Variants in PRKCE observed in about 807,000 individuals in gnomAD.
PRKCE encodes protein kinase C epsilon type.
A neutral mutation model predicts 85.4 loss-of-function variants in PRKCE; 16 were observed. That is an observed-to-expected ratio of 0.19 (90% CI 0.13 to 0.28). The LOEUF (loss-of-function observed/expected upper bound fraction) is 0.28. PRKCE is among the 10% of genes least tolerant of loss of function. The pLI is 1.00. For missense variants in PRKCE, 573 were observed against 975.2 expected, an observed-to-expected ratio of 0.59 and a Z score of 5.49; for synonymous variants, 388 against 371.5, an observed-to-expected ratio of 1.04 and a Z score of -0.51.
chr2:45,897,882 G>C (rs1255748902), intron 2 of PRKCE, among the ~76,000 whole-genome samples: 1 of 152,190 alleles, frequency 6.6e-6, no homozygotes, highest in Non-Finnish European at 1.5e-5. Flanking sequence ...AATCACTGCT[G>C]ACAAGGGCAT....
intron 2 of PRKCE, among the ~76,000 whole-genome samples, chr2:45,968,450 G>T (rs1278105501): frequency 3.3e-5 from 5 of 152,126 alleles, no homozygotes; most frequent in Non-Finnish European, 7.3e-5. Flanking sequence ...CATACAAAGT[G>T]GTATAATGGA....
intron 1 of PRKCE, among the ~76,000 whole-genome samples, chr2:45,794,161 G>A (rs1375614625): frequency 6.6e-6 from 1 of 152,124 alleles, no homozygotes; most frequent in Non-Finnish European, 1.5e-5. Context: ...CCTCAGGAGT[G>A]TGGCATCATT....
rs945258921 is a variant in PRKCE at position 45,763,620 on chromosome 2, C to G, written c.349-79380C>G. ...GTAATACTCAGTGTAGGGCTTGATT[C>G]TGCAATCTCCCTTGGTATAACCCGC... On this transcript the variant is annotated intron_variant, in intron 1 of 14. Coordinates refer to ENST00000306156, the MANE Select transcript of PRKCE (RefSeq NM_005400.3). Among the ~76,000 whole-genome samples, 4 of 151,356 alleles carry G rather than the reference C, an allele frequency of 2.6e-5. No individual in the cohort carries two copies. The East Asian group carries it at 5.9e-4, about 22-fold the overall frequency.
chr2:45,738,853 T>C (rs750737622), intron 1 of PRKCE, among the ~76,000 whole-genome samples: 5 of 152,248 alleles, frequency 3.3e-5, no homozygotes, highest in Admixed American at 1.3e-4. Flanking sequence ...AACAGCTATG[T>C]AGTTTTTACA....
At chr2:46,162,504 C>T (rs1677876858) in intron 14 of PRKCE, among the ~76,000 whole-genome samples, 1 of 152,178 alleles carries the variant, frequency 6.6e-6, no homozygotes, top group Admixed American at 6.5e-5. Flanking sequence ...CCTGCCTCCC[C>T]AGACCTTCAG....
chr2:45,822,704 C>T (rs543126893), intron 1 of PRKCE, among the ~76,000 whole-genome samples: 8 of 152,244 alleles, frequency 5.3e-5, no homozygotes, highest in South Asian at 2.1e-4. Flanking sequence ...GCAAGACGTC[C>T]GAATCCGTGT....
chr2:45,836,475 T>C (rs1275366043), intron 1 of PRKCE, among the ~76,000 whole-genome samples: 2 of 152,236 alleles, frequency 1.3e-5, no homozygotes, highest in Non-Finnish European at 2.9e-5. Flanking sequence ...GCTGAGTTGC[T>C]CATTGTATTG....
At chr2:45,680,179 A>G (rs113155372) in intron 1 of PRKCE, among the ~76,000 whole-genome samples, 4,350 of 152,286 alleles carry the variant, frequency 0.029, 196 homozygotes, top group African/African-American at 0.1. Context: ...TAATGACATG[A>G]TGGTTTGATA....
At chr2:46,163,173 C>G (rs1417266410) in intron 14 of PRKCE, among the ~76,000 whole-genome samples, 1 of 152,270 alleles carries the variant, frequency 6.6e-6, no homozygotes, top group Non-Finnish European at 1.5e-5. Flanking sequence ...GCAGAGTCAG[C>G]CTTACCACAG....
chr2:46,055,193 CT>C (rs1330481222), intron 10 of PRKCE, among the ~76,000 whole-genome samples: 6 of 152,352 alleles, frequency 3.9e-5, no homozygotes, highest in African/African-American at 1.4e-4. Context: ...CACTATTATA[CT>C]GCTTCTGGGG....
chr2:45,754,181 G>T (rs1182222955), intron 1 of PRKCE, among the ~76,000 whole-genome samples: 10 of 152,168 alleles, frequency 6.6e-5, no homozygotes, highest in Non-Finnish European at 1.3e-4. Flanking sequence ...TTTGAGGTAG[G>T]GTCTGTGAAT....
chr2:45,794,062 G>A (rs1489225961), intron 1 of PRKCE, among the ~76,000 whole-genome samples: 6 of 152,154 alleles, frequency 3.9e-5, no homozygotes, highest in Non-Finnish European at 8.8e-5. Flanking sequence ...TGGGGCAGCC[G>A]CCCTGGGACC....
intron 10 of PRKCE, among the ~76,000 whole-genome samples, chr2:46,051,427 T>G (rs1370133167): frequency 6.6e-6 from 1 of 152,218 alleles, no homozygotes; most frequent in Non-Finnish European, 1.5e-5. Flanking sequence ...ATGAGGAAAC[T>G]GAGGTTCAAA....
chr2:45,958,814 ATATTTTTTTTTTTTTTTTTTTTTT>A (rs1451637740), intron 2 of PRKCE, among the ~76,000 whole-genome samples: 8 of 25,438 alleles, frequency 3.1e-4, no homozygotes, highest in South Asian at 4.3e-3. Flanking sequence ...ATATATATAT[ATATTTTTTTTTTTTTTTTTTTTTT>A]TTTTTTTTTT....
At position 45,923,067 on chromosome 2, in the gene PRKCE, G is replaced by T. The variant is rs974934565; in HGVS notation, c.413-53362G>T. On this transcript the variant is annotated intron_variant, in intron 2 of 14. Transcript: ENST00000306156. The stretch of plus-strand genomic sequence containing the variant: ...GGAAAGAAACAGATACTGAACCCTT[G>T]TGCTTATAACAGAGGACAGGAAGAC... Among the ~76,000 whole-genome samples the T allele has an allele frequency of 2.6e-5, 4 of 152,168 alleles. No homozygotes were observed. In the South Asian group the frequency reaches 6.2e-4, roughly 24 times the overall value.
chr2:46,094,386 C>G lies in PRKCE; in HGVS notation c.1592+8024C>G, dbSNP rs1185927107. 1.3e-5 allele frequency among the ~76,000 whole-genome samples: 2 copies of G among 152,136 alleles called. 1 individual carries two copies. The highest frequency in any genetic ancestry group is 1.3e-4 in the Admixed American group (2 of 15,268). ...ACTTTCCTTTTATATCTAAAATCATCTTTATTTTACTCTCAGACTTGATAA... is the reference window on the plus strand; with the variant it reads ...ACTTTCCTTTTATATCTAAAATCATGTTTATTTTACTCTCAGACTTGATAA... On this transcript the variant is annotated intron_variant, in intron 11 of 14. Transcript: ENST00000306156.
At chr2:45,860,209 G>T (rs896573262) in intron 2 of PRKCE, among the ~76,000 whole-genome samples, 1 of 152,226 alleles carries the variant, frequency 6.6e-6, no homozygotes, top group Non-Finnish European at 1.5e-5. Context: ...GTAAGTATTT[G>T]TTTAATGAAT....
chr2:45,869,163 A>T (rs767621028), intron 2 of PRKCE, among the ~76,000 whole-genome samples: 6 of 152,324 alleles, frequency 3.9e-5, no homozygotes, highest in Non-Finnish European at 5.9e-5. Flanking sequence ...TTGAGAAACA[A>T]TCTGTAAAAT....
At chr2:45,869,706 CTTTTTTT>C (rs71394860) in intron 2 of PRKCE, among the ~76,000 whole-genome samples, 2 of 109,310 alleles carry the variant, frequency 1.8e-5, no homozygotes, top group Non-Finnish European at 3.5e-5. Context: ...TTCTCTCTCT[CTTTTTTT>C]TTTTTTTTTT....
Sources: gnomAD v4.1 joint callset for allele counts (sites outside exome capture counted in the v4.1 genomes callset) on GRCh38, gnomAD v4.1.1 for gene constraint, MANE v1.5 for transcripts, NCBI Gene and HGNC (gene_info 2026-07-23, HGNC 2026-07-21) for gene names.